The following PTPN12 variants were observed in gnomAD, a reference collection of about 807,000 sequenced individuals.
PTPN12 encodes tyrosine-protein phosphatase non-receptor type 12.
In PTPN12, 29 loss-of-function variants were observed where a neutral mutation model predicts 97.6. That is an observed-to-expected ratio of 0.30 (90% CI 0.22 to 0.41). PTPN12 has a LOEUF of 0.41. Ranked by LOEUF, PTPN12 falls within the 10% of genes least tolerant of loss-of-function variation. The probability of loss-of-function intolerance (pLI) is 1.00; values close to 1 mark genes in which losing one functional copy is unlikely to be tolerated. For missense variants in PTPN12, 819 were observed against 926.0 expected (o/e 0.88, Z 1.50); for synonymous variants, 327 against 300.4 (o/e 1.09, Z -0.91).
intron 1 of PTPN12, chr7:77,538,137 C>G (rs912150280): frequency 1.0e-6 from 1 of 984,832 alleles, no homozygotes; most frequent in Non-Finnish European, 1.2e-6. Flanking sequence ...TCCCTTTGCT[C>G]TAGCTGGTCT....
intron 14 of PTPN12, 111 bp downstream of exon 14, chr7:77,632,536 C>T (rs1789434361): frequency 1.3e-6 from 1 of 779,330 alleles, no homozygotes; most frequent in Non-Finnish European, 2.1e-6. Context: ...AATTCAAAAA[C>T]AAGTAAATTG....
intron 2 of PTPN12, among the ~76,000 whole-genome samples, chr7:77,575,331 ACG>A (rs1198917303): frequency 4.0e-5 from 6 of 151,810 alleles, no homozygotes; most frequent in Admixed American, 1.3e-4. Context: ...ACACACACGC[ACG>A]CACGCACGCA....
chr7:77,617,145 T>C (rs576632387), intron 11 of PTPN12, among the ~76,000 whole-genome samples: 5 of 152,152 alleles, frequency 3.3e-5, no homozygotes, highest in African/African-American at 7.2e-5. Flanking sequence ...TCTGAAACTT[T>C]GGCGACCAAA....
At chr7:77,590,047 A>G (rs1053480865) in intron 5 of PTPN12, among the ~76,000 whole-genome samples, 7 of 152,218 alleles carry the variant, frequency 4.6e-5, no homozygotes, top group African/African-American at 1.7e-4. Flanking sequence ...GACCTGGTGG[A>G]AAAAGCATAG....
chr7:77,592,079 GT>G, intron 5 of PTPN12, 105 bp from the exon 6 acceptor site: 2 of 961,958 alleles, frequency 2.1e-6, no homozygotes, highest in Non-Finnish European at 3.1e-6. Flanking sequence ...GGGTTTTTCT[GT>G]TTTGGGGAAG....
Position 77,625,472 on chromosome 7 carries a change from G to GCTCGCGCGCGCGCTCTCTCTCT in PTPN12, c.1026-1230_1026-1229insGCGCGCGCGCTCTCTCTCTCTC. ...TTTTGCCATATTGCCCAGGCTGCTC[G>GCTCGCGCGCGCGCTCTCTCTCT]CTCTCTCTCTCTCTCTCTCTCTCTC... On this transcript the variant is annotated intron_variant, in intron 12 of 17. Transcript: ENST00000248594. 3.9e-4 allele frequency among the ~76,000 whole-genome samples: 13 copies of GCTCGCGCGCGCGCTCTCTCTCT among 33,530 alleles called. 2 individuals carry two copies. The highest frequency in any genetic ancestry group is 4.5e-4 in the Non-Finnish European group (9 of 20,022). The allele number at this position is 33,530 out of a possible 152,430, so 22.0% of individuals were successfully genotyped here.
chr7:77,626,825 G>A lies in PTPN12; in HGVS notation c.1146G>A (p.Gln382=), dbSNP rs1789203975. The change falls in exon 13 of 18, where the codon CAG becomes CAA. Residue 382 remains glutamine, a synonymous_variant. Transcript: ENST00000248594. The part of the protein sequence containing the change: ...SAFPTVTTVW[Q]DNDRYHPKPV... ...TTCCAACAGTCACTACTGTGTGGCA[G>A]GACAATGATAGATACCATCCAAAGC... The A allele has an allele frequency of 6.2e-7, 1 of 1,614,034 alleles. No homozygotes were observed. Among genetic ancestry groups the A allele is most frequent in the Non-Finnish European group, 8.5e-7 (1 of 1,179,964 alleles).
intron 1 of PTPN12, among the ~76,000 whole-genome samples, chr7:77,559,387 T>C (rs993598318): frequency 6.6e-6 from 1 of 152,228 alleles, no homozygotes. Context: ...TCAGTTGATA[T>C]GCTGAGTTTT....
Position 77,625,563 on chromosome 7 carries a change from C to CTTTTTT in PTPN12, c.1026-1141_1026-1140insTTTTTT, listed in dbSNP as rs761274993. ...TCGCGCTCTCTCTCTCGCTCTCTCT[C>CTTTTTT]TCTTTTTTTTTTTTTTTTTTTTTTT... On this transcript the variant is annotated intron_variant, in intron 12 of 17. Transcript: ENST00000248594. Among the ~76,000 whole-genome samples, 38 of 27,782 alleles carry CTTTTTT rather than the reference C, an allele frequency of 1.4e-3. 4 individuals carry two copies. Among genetic ancestry groups the CTTTTTT allele is most frequent in the African/African-American group, 7.9e-3 (34 of 4,282 alleles). 18.2% of individuals were successfully genotyped at this position (27,782 alleles called of 152,430 possible). A position where few individuals can be genotyped will look rare whatever the true frequency, so the allele number is the denominator to read the frequency against.
At chr7:77,539,485 T>C (rs1326351744) in intron 1 of PTPN12, among the ~76,000 whole-genome samples, 1 of 152,220 alleles carries the variant, frequency 6.6e-6, no homozygotes, top group Non-Finnish European at 1.5e-5. Flanking sequence ...TGTCTTGGTA[T>C]CTTTTGAATG....
intron 9 of PTPN12, among the ~76,000 whole-genome samples, chr7:77,608,002 A>C (rs569891401): frequency 6.6e-6 from 1 of 152,290 alleles, no homozygotes; most frequent in South Asian, 2.1e-4. Flanking sequence ...TGATCCACTC[A>C]TCTCGGCCTT....
chr7:77,632,465 A>G (rs200668953), intron 14 of PTPN12, 40 bp downstream of exon 14: 4 of 1,441,404 alleles, frequency 2.8e-6, no homozygotes. Context: ...TTCATATTCT[A>G]ATAATAAACT....
intron 1 of PTPN12, among the ~76,000 whole-genome samples, chr7:77,539,876 C>T (rs1232218098): frequency 1.3e-5 from 2 of 151,780 alleles, no homozygotes; most frequent in African/African-American, 2.4e-5. Flanking sequence ...GATGGGGTTT[C>T]GCCATATTTG....
intron 1 of PTPN12, chr7:77,538,036 T>C: frequency 1.0e-6 from 1 of 1,000,496 alleles, no homozygotes; most frequent in South Asian, 3.8e-5. Flanking sequence ...CCCAGGAGGG[T>C]CGAGGCAAGG....
chr7:77,584,817 C>T (rs1355991364), intron 4 of PTPN12, among the ~76,000 whole-genome samples: 1 of 150,604 alleles, frequency 6.6e-6, no homozygotes, highest in Admixed American at 6.6e-5. Context: ...GCAGCGCTTG[C>T]AGTGAGCTGA....
chr7:77,602,870 C>T (rs755330070), intron 8 of PTPN12, among the ~76,000 whole-genome samples: 1 of 152,142 alleles, frequency 6.6e-6, no homozygotes, highest in South Asian at 2.1e-4. Context: ...TCTGCATTCA[C>T]ATTTGTTATA....
At chr7:77,579,290 T>A (rs1245401952) in intron 2 of PTPN12, among the ~76,000 whole-genome samples, 1 of 151,956 alleles carries the variant, frequency 6.6e-6, no homozygotes, top group Non-Finnish European at 1.5e-5. Flanking sequence ...CCCTGCCAAT[T>A]TTTTTTGTAT....
intron 11 of PTPN12, among the ~76,000 whole-genome samples, chr7:77,611,981 A>AT (rs370589017): frequency 0.22 from 30,781 of 139,906 alleles, 4,141 homozygotes; most frequent in East Asian, 0.66. Context: ...AGGTGCTGAG[A>AT]TTTTTTTTTT....
intron 5 of PTPN12, among the ~76,000 whole-genome samples, chr7:77,589,470 A>G (rs1787797525): frequency 6.6e-6 from 1 of 152,320 alleles, no homozygotes; most frequent in Admixed American, 6.5e-5. Context: ...TACAAATTAC[A>G]TAGTGATTTT....
Sources: allele counts gnomAD v4.1 joint callset (sites outside exome capture counted in the v4.1 genomes callset), GRCh38; gene constraint gnomAD v4.1.1; transcripts MANE v1.5; gene names NCBI Gene and HGNC (gene_info 2026-07-23, HGNC 2026-07-21).